BAZ2B: variants seen among roughly 807,000 people sequenced by gnomAD.
BAZ2B encodes bromodomain adjacent to zinc finger domain protein 2B.
BAZ2B carries 91 observed loss-of-function variants against 246.0 expected under a neutral mutation model. The observed-to-expected ratio is 0.37, with a 90% CI of 0.31 to 0.44. The LOEUF is 0.44. Among genes scored for constraint, BAZ2B ranks in the 20% least tolerant of loss-of-function variants. BAZ2B has a pLI of 1.00. For synonymous variants in BAZ2B, 855 were observed against 860.0 expected, an observed-to-expected ratio of 0.99 and a Z score of 0.10; for missense variants, 2,332 against 2,533.7, an observed-to-expected ratio of 0.92 and a Z score of 1.71.
chr2:159,516,730 G>C (rs897391749), intron 2 of BAZ2B: 1 of 152,502 alleles, frequency 6.6e-6, no homozygotes, highest in African/African-American at 2.4e-5. Flanking sequence ...ACTAAGCCAG[G>C]TAAGGTTGAT....
chr2:159,519,967 ACT>A (rs1170291748), intron 2 of BAZ2B, among the ~76,000 whole-genome samples: 2 of 151,560 alleles, frequency 1.3e-5, no homozygotes, highest in Non-Finnish European at 2.9e-5. Context: ...GATAAATGTG[ACT>A]CTGTCTTCAC....
the BAZ2B span, among the ~76,000 whole-genome samples, chr2:159,700,686 C>T: frequency 2.0e-5 from 3 of 152,202 alleles, no homozygotes; most frequent in Non-Finnish European, 2.9e-5. Flanking sequence ...ACCTCGTGAT[C>T]TGCCCGCTTC....
At chr2:159,619,908 T>C (rs571808014), upstream of BAZ2B, among the ~76,000 whole-genome samples, 1 of 152,302 alleles carries the variant, frequency 6.6e-6, no homozygotes, top group Non-Finnish European at 1.5e-5. Context: ...CTACCCAAGA[T>C]CATCATCTGT....
chr2:159,399,736 C>T (rs1161901608), intron 17 of BAZ2B, among the ~76,000 whole-genome samples: 1 of 152,124 alleles, frequency 6.6e-6, no homozygotes, highest in Non-Finnish European at 1.5e-5. Context: ...AAAACCTCAG[C>T]TATCCGGAGC....
intron 1 of BAZ2B, among the ~76,000 whole-genome samples, chr2:159,611,779 C>G (rs575817319): frequency 8.6e-5 from 13 of 152,030 alleles, no homozygotes; most frequent in Admixed American, 3.3e-4. Context: ...ATTCTCTTAA[C>G]ATAGTAATAA....
chr2:159,441,695 G>A (rs2073425760), intron 6 of BAZ2B, among the ~76,000 whole-genome samples: 1 of 151,850 alleles, frequency 6.6e-6, no homozygotes, highest in Non-Finnish European at 1.5e-5. Flanking sequence ...TGTCACCTAC[G>A]CTGGAGTGCA....
chr2:159,380,577 C>G (rs891467783), intron 25 of BAZ2B, among the ~76,000 whole-genome samples: 2 of 152,164 alleles, frequency 1.3e-5, no homozygotes, highest in African/African-American at 4.8e-5. Context: ...GGTCCTTGGC[C>G]TGGCATATGG....
intron 1 of BAZ2B, among the ~76,000 whole-genome samples, chr2:159,556,433 G>A (rs1363170745): frequency 7.2e-6 from 1 of 139,588 alleles, no homozygotes; most frequent in Non-Finnish European, 1.5e-5. Context: ...ATGGCTTCAA[G>A]TTTATCCCTG....
intron 14 of BAZ2B, among the ~76,000 whole-genome samples, chr2:159,410,957 T>C (rs2066741443): frequency 6.6e-6 from 1 of 152,216 alleles, no homozygotes. Context: ...AGTGGTTGCA[T>C]GTGTGTGTAT....
At chr2:159,627,359 C>CA in the BAZ2B span, among the ~76,000 whole-genome samples, 402 of 126,694 alleles carry the variant, frequency 3.2e-3, no homozygotes, top group Middle Eastern at 0.012. Context: ...GCAGACACAC[C>CA]AAAAAAAAAA....
the BAZ2B span, among the ~76,000 whole-genome samples, chr2:159,707,286 G>A: frequency 0.46 from 69,534 of 151,968 alleles, 16,761 homozygotes; most frequent in Middle Eastern, 0.64. Context: ...ATCGTGGATC[G>A]CACCTATAAT....
At chr2:159,690,772 C>T in the BAZ2B span, among the ~76,000 whole-genome samples, 1 of 152,142 alleles carries the variant, frequency 6.6e-6, no homozygotes, top group Non-Finnish European at 1.5e-5. Context: ...AAATTTGGCT[C>T]TCAGTTTGCT....
chr2:159,583,009 A>G (rs1687185986), intron 1 of BAZ2B, among the ~76,000 whole-genome samples: 1 of 152,196 alleles, frequency 6.6e-6, no homozygotes, highest in South Asian at 2.1e-4. Flanking sequence ...TATATAGAAT[A>G]CATAGCAATA....
intron 2 of BAZ2B, among the ~76,000 whole-genome samples, chr2:159,503,490 C>A (rs1001578118): frequency 2.0e-5 from 3 of 152,184 alleles, no homozygotes; most frequent in African/African-American, 7.2e-5. Flanking sequence ...AGGTCCTTTC[C>A]TGTTAATCTT....
intron 3 of BAZ2B, among the ~76,000 whole-genome samples, chr2:159,473,199 T>A (rs898981598): frequency 5.3e-5 from 8 of 152,180 alleles, no homozygotes; most frequent in African/African-American, 1.7e-4. Context: ...CATCTGGTCC[T>A]GGGCTTCATT....
At chr2:159,331,211 G>A (rs1169581068) in intron 34 of BAZ2B, among the ~76,000 whole-genome samples, 2 of 152,150 alleles carry the variant, frequency 1.3e-5, no homozygotes, top group East Asian at 1.9e-4. Context: ...ATGTGAGCCC[G>A]GATGCAGAAG....
At chr2:159,684,052 A>G in the BAZ2B span, among the ~76,000 whole-genome samples, 9 of 152,346 alleles carry the variant, frequency 5.9e-5, no homozygotes, top group African/African-American at 2.2e-4. Flanking sequence ...AGAATGTCAT[A>G]TAAATGCAAT....
At chr2:159,649,608 T>A in the BAZ2B span, among the ~76,000 whole-genome samples, 3 of 151,986 alleles carry the variant, frequency 2.0e-5, no homozygotes, top group Non-Finnish European at 4.4e-5. Flanking sequence ...GTCATATGTC[T>A]TTTTTTTCCT....
chr2:159,428,929 C>T (rs1254102656), intron 11 of BAZ2B, among the ~76,000 whole-genome samples: 2 of 152,098 alleles, frequency 1.3e-5, no homozygotes, highest in East Asian at 3.8e-4. Context: ...CTGCCCTTTG[C>T]CATCTGATTT....
Sources: allele counts gnomAD v4.1 joint callset (sites outside exome capture counted in the v4.1 genomes callset), GRCh38; gene constraint gnomAD v4.1.1; transcripts MANE v1.5; gene names NCBI Gene and HGNC (gene_info 2026-07-23, HGNC 2026-07-21).